PIWIL2: variants seen among roughly 807,000 people sequenced by gnomAD.
PIWIL2 encodes the protein piwi-like protein 2.
Under a neutral mutation model 116.5 loss-of-function variants are expected in PIWIL2, and 81 were observed. That is an observed-to-expected ratio of 0.70 (90% CI 0.58 to 0.84). The LOEUF is 0.84. Ranked by LOEUF, PIWIL2 falls within the 40% of genes least tolerant of loss-of-function variation. The pLI, the probability that PIWIL2 is intolerant of heterozygous loss-of-function variation, is 0.00. For missense variants in PIWIL2, 1,272 were observed against 1,212.3 expected (o/e 1.05, Z -0.73); for synonymous variants, 489 against 429.5 (o/e 1.14, Z -1.71).
chr8:22,352,224 C>G (rs1057220262), intron 20 of PIWIL2, among the ~76,000 whole-genome samples: 8 of 152,260 alleles, frequency 5.3e-5, no homozygotes, highest in African/African-American at 1.4e-4. Flanking sequence ...GGATGACAGG[C>G]GTGAGCCACC....
chr8:22,325,990 A>G (rs1179973240), intron 20 of PIWIL2, among the ~76,000 whole-genome samples: 2 of 152,172 alleles, frequency 1.3e-5, no homozygotes, highest in African/African-American at 4.8e-5. Flanking sequence ...TTGTTCAGAA[A>G]GAACAGTTGT....
Position 22,318,249 on chromosome 8 carries a change from G to C in PIWIL2, c.2377G>C (p.Val793Leu). ...TGTGGACAGCCTGAAGCTATGCCTC[G>C]TGGGCTCCTTAAAAAAGTTTTATGA... is the stretch of plus-strand genomic sequence containing the variant. ...EIVDSLKLCL[V>L]GSLKKFYEVN... is the part of the protein sequence containing the mutation. Residue 793 changes from valine (V) to leucine (L), a missense_variant, in exon 20 of 23, where the codon GTG becomes CTG. Physicochemically the swap from Val to Leu is conservative, Grantham distance 32. Coordinates refer to ENST00000356766, the MANE Select transcript of PIWIL2 (RefSeq NM_018068.5). 2 of 1,609,494 alleles carry C rather than the reference G, an allele frequency of 1.2e-6. No individual in the cohort carries two copies. The highest frequency in any genetic ancestry group is 1.7e-6 in the Non-Finnish European group (2 of 1,176,152).
intron 10 of PIWIL2, among the ~76,000 whole-genome samples, chr8:22,292,352 C>CAAGA (rs932381660): frequency 5.9e-5 from 9 of 152,160 alleles, no homozygotes; most frequent in African/African-American, 2.2e-4. Flanking sequence ...GAACACCAGT[C>CAAGA]AAGAGGCTGT....
rs563836835 is a variant in PIWIL2, at chr8:22,308,368, G to A, written c.1686+295G>A. ...GTATTTTTCTATTATAAATAATGAT[G>A]CAGGGCAGGCGTGGTGGCTCACGCC... On this transcript the variant is annotated intron_variant, in intron 14 of 22. Transcript: ENST00000356766. 2.6e-5 allele frequency among the ~76,000 whole-genome samples: 4 copies of A among 152,094 alleles called. No individual in the cohort carries two copies. The South Asian group carries it at 8.3e-4, about 32-fold the overall frequency.
intron 10 of PIWIL2, among the ~76,000 whole-genome samples, chr8:22,303,349 T>G (rs1831096739): frequency 6.6e-6 from 1 of 152,210 alleles, no homozygotes; most frequent in African/African-American, 2.4e-5. Flanking sequence ...TTTGCAACTT[T>G]CTATGATTTG....
chr8:22,288,693 TC>T (rs1312692055), intron 8 of PIWIL2, 27 bp downstream of exon 8: 23 of 1,585,080 alleles, frequency 1.5e-5, no homozygotes, highest in African/African-American at 8.1e-5. Context: ...AGTTCTATTG[TC>T]CTGTAACTTC....
intron 9 of PIWIL2, 65 bp from the exon 10 acceptor site, chr8:22,290,168 C>T (rs554765056): frequency 3.1e-5 from 29 of 947,000 alleles, no homozygotes; most frequent in Non-Finnish European, 4.5e-5. Context: ...GTTTTGTTCA[C>T]ATGGGGGCAT....
In PIWIL2 at chr8:22,304,796, G is replaced by A; in HGVS notation, c.1383G>A (p.Gly461=). 1 of 1,612,678 alleles carries A rather than the reference G, an allele frequency of 6.2e-7. No individual in the cohort carries two copies. ...TFLEYYSKNY[G]ITVKEEDQPL... ...TACTCTGCTCTAGCAAAAATTATGG[G>A]ATCACAGTTAAGGAAGAGGACCAGC... Residue 461 remains glycine (G), a synonymous_variant, in exon 12 of 23, where the codon GGG becomes GGA. Transcript: ENST00000356766.
In PIWIL2 at chr8:22,354,367, T is replaced by C; in HGVS notation, c.2754T>C (p.Asp918=). ...TCAACACCGCAAACCTGAGCCCTGA[T>C]CATATGCAGAGGTGGGCCCATCAGT... ...CVLNTANLSP[D]HMQRLTFKLC... is the part of the protein sequence containing the mutation. Residue 918 remains aspartate, a synonymous_variant, in exon 22 of 23, where the codon GAT becomes GAC. Coordinates refer to ENST00000356766, the MANE Select transcript of PIWIL2 (RefSeq NM_018068.5). 1 of 1,606,894 alleles carries C rather than the reference T, an allele frequency of 6.2e-7. No individual in the cohort carries two copies. Among genetic ancestry groups the C allele is most frequent in the Non-Finnish European group, 8.5e-7 (1 of 1,173,480 alleles).
chr8:22,285,229 C>G (rs1278284501), intron 6 of PIWIL2, among the ~76,000 whole-genome samples: 1 of 152,172 alleles, frequency 6.6e-6, no homozygotes, highest in Non-Finnish European at 1.5e-5. Flanking sequence ...TCTCCATACC[C>G]CTCAACCCCC....
At chr8:22,330,778 G>A (rs1043923827) in intron 20 of PIWIL2, among the ~76,000 whole-genome samples, 8 of 151,988 alleles carry the variant, frequency 5.3e-5, no homozygotes, top group East Asian at 1.9e-4. Flanking sequence ...ATAGGACCAC[G>A]TCTGGGCTTC....
intron 20 of PIWIL2, among the ~76,000 whole-genome samples, chr8:22,345,655 C>A (rs1225280065): frequency 6.6e-6 from 1 of 152,054 alleles, no homozygotes; most frequent in African/African-American, 2.4e-5. Flanking sequence ...CAGAGCAAGA[C>A]TCTGTCTCAA....
In PIWIL2 at chr8:22,307,986, A is replaced by G. The variant is rs546059867; in HGVS notation, c.1599A>G (p.Glu533=). The G allele has an allele frequency of 2.5e-6, 4 of 1,613,662 alleles. No homozygotes were observed. The South Asian group carries it at 3.3e-5, about 13-fold the overall frequency. ...CCAAGCAACACCATAGTGCTTTGGA[A>G]TGCTTGCTGCAAAGAATTGCAAAGA... ...LSPKQHHSAL[E]CLLQRIAKNE... The change falls in exon 14 of 23, where the codon GAA becomes GAG. Residue 533 remains glutamate (E), a synonymous_variant. Transcript: ENST00000356766.
At chr8:22,330,127 T>C (rs181111441) in intron 20 of PIWIL2, among the ~76,000 whole-genome samples, 7 of 152,286 alleles carry the variant, frequency 4.6e-5, no homozygotes, top group Admixed American at 4.6e-4. Context: ...CTGTCTTCAT[T>C]TTTCTTTCTT....
At position 22,296,376 on chromosome 8, in the gene PIWIL2, A is replaced by G. The variant is rs1044344930; in HGVS notation, c.1181+6030A>G. ...TCCCTTCTTAAGGGGAATCTCCTGT[A>G]TGTCAGATCTCATAACTGCTGCTTT... On this transcript the variant is annotated intron_variant, in intron 10 of 22. Coordinates refer to ENST00000356766, the MANE Select transcript of PIWIL2 (RefSeq NM_018068.5). Among the ~76,000 whole-genome samples, 12 of 152,108 alleles carry G rather than the reference A, an allele frequency of 7.9e-5. No homozygotes were observed. In the South Asian group the frequency reaches 1.0e-3, roughly 13 times the overall value.
chr8:22,305,145 G>A (rs1831144956), intron 12 of PIWIL2, among the ~76,000 whole-genome samples: 2 of 151,878 alleles, frequency 1.3e-5, no homozygotes, highest in Admixed American at 6.6e-5. Context: ...TTAAAACTCT[G>A]AATCCATGAG....
chr8:22,331,378 A>G (rs1339410991), intron 20 of PIWIL2, among the ~76,000 whole-genome samples: 1 of 151,570 alleles, frequency 6.6e-6, no homozygotes, highest in Non-Finnish European at 1.5e-5. Flanking sequence ...TTTGTTTTCT[A>G]TTTTATTTTC....
Position 22,304,009 on chromosome 8 carries a change from C to A in PIWIL2, c.1182-12C>A. On this transcript the variant is annotated splice_polypyrimidine_tract_variant and intron_variant, in intron 10 of 22. Transcript: ENST00000356766. Reference sequence around the variant, plus strand: ...ATACTGTGATCCAAAAGTCTTTTATCTCTTTCCAAAGGCATGCCATTTATC... The same window carrying A: ...ATACTGTGATCCAAAAGTCTTTTATATCTTTCCAAAGGCATGCCATTTATC... 1.3e-6 allele frequency: 2 copies of A among 1,595,152 alleles called. No individual in the cohort carries two copies. Among genetic ancestry groups the A allele is most frequent in the South Asian group, 1.1e-5 (1 of 89,018 alleles).
intron 16 of PIWIL2, among the ~76,000 whole-genome samples, chr8:22,311,622 T>C (rs183954980): frequency 6.6e-6 from 1 of 152,346 alleles, no homozygotes; most frequent in Non-Finnish European, 1.5e-5. Flanking sequence ...AGGTGCCGTC[T>C]TGCACGATTC....
Sources: allele counts gnomAD v4.1 joint callset (sites outside exome capture counted in the v4.1 genomes callset), GRCh38; gene constraint gnomAD v4.1.1; transcripts MANE v1.5; gene names NCBI Gene and HGNC (gene_info 2026-07-23, HGNC 2026-07-21).